The following EEIG1 variants were observed in gnomAD, a reference collection of about 807,000 sequenced individuals.
The protein encoded by EEIG1 is early estrogen-induced gene 1 protein.
chr9:127,964,172 T>C, the EEIG1 span, among the ~76,000 whole-genome samples: 1 of 152,164 alleles, frequency 6.6e-6, no homozygotes. Context: ...GAGCCTCAAC[T>C]TCCTCATCTG....
chr9:127,976,214 G>T, the EEIG1 span, among the ~76,000 whole-genome samples: 1 of 152,180 alleles, frequency 6.6e-6, no homozygotes, highest in African/African-American at 2.4e-5. The surrounding 1 kb of genome is among the most constrained non-coding windows in gnomAD (Gnocchi z 4.1). Flanking sequence ...CTTAGAGCTG[G>T]ACCTGCCCAA....
chr9:127,969,238 T>A, the EEIG1 span, among the ~76,000 whole-genome samples: 1 of 152,206 alleles, frequency 6.6e-6, no homozygotes, highest in South Asian at 2.1e-4. Context: ...GAGACGAATG[T>A]GCCTAACAGT....
the EEIG1 span, among the ~76,000 whole-genome samples, chr9:127,963,243 C>A: frequency 2.0e-5 from 3 of 152,232 alleles, no homozygotes; most frequent in Admixed American, 1.3e-4. Context: ...CAAAAGGGAT[C>A]TGAACCCTCA....
At chr9:127,979,989 T>A in the EEIG1 span, 1 of 1,612,190 alleles carries the variant, frequency 6.2e-7, no homozygotes, top group African/African-American at 1.3e-5. Flanking sequence ...CCCCAGCTCC[T>A]ACCTTGACGA....
chr9:127,949,895 G>A, the EEIG1 span, among the ~76,000 whole-genome samples: 24 of 152,320 alleles, frequency 1.6e-4, no homozygotes, highest in South Asian at 4.4e-3. Flanking sequence ...ACCTGCCCCC[G>A]GGGCCCTCAG....
chr9:127,944,691 G>T, the EEIG1 span: 18 of 1,612,850 alleles, frequency 1.1e-5, no homozygotes, highest in Admixed American at 1.7e-5. Context: ...CTGTCTGTGG[G>T]GACACAGGAG....
At chr9:127,973,723 G>C in the EEIG1 span, among the ~76,000 whole-genome samples, 1 of 152,314 alleles carries the variant, frequency 6.6e-6, no homozygotes, top group South Asian at 2.1e-4. This position sits in a 1 kb window ranked among gnomAD's most constrained non-coding sequence, Gnocchi z 4.2. Context: ...GCTGGCCTCT[G>C]AGGCCACCCA....
At chr9:127,943,021 GA>G in the EEIG1 span, 1 of 667,310 alleles carries the variant, frequency 1.5e-6, no homozygotes, top group South Asian at 1.7e-5. Context: ...TCCCAGCATG[GA>G]TGGGAGGGGC....
the EEIG1 span, among the ~76,000 whole-genome samples, chr9:127,964,649 C>G: frequency 6.6e-6 from 1 of 152,224 alleles, no homozygotes; most frequent in Admixed American, 6.5e-5. Flanking sequence ...CAGCCTGACC[C>G]ACGTCCACTC....
the EEIG1 span, among the ~76,000 whole-genome samples, chr9:127,976,016 C>A: frequency 6.6e-6 from 1 of 152,224 alleles, no homozygotes; most frequent in African/African-American, 2.4e-5. This position sits in a 1 kb window ranked among gnomAD's most constrained non-coding sequence, Gnocchi z 4.1. Flanking sequence ...TTCAGCCCCA[C>A]CCCCTGAAAG....
At chr9:127,947,498 C>T in the EEIG1 span, among the ~76,000 whole-genome samples, 1 of 152,196 alleles carries the variant, frequency 6.6e-6, no homozygotes, top group Non-Finnish European at 1.5e-5. Context: ...CAGGTGCCCA[C>T]ATGTGGACAG....
chr9:127,954,601 A>G, the EEIG1 span, among the ~76,000 whole-genome samples: 2 of 152,226 alleles, frequency 1.3e-5, no homozygotes, highest in African/African-American at 4.8e-5. Flanking sequence ...AAAGGTGGTC[A>G]TGCCAAACCT....
At chr9:127,948,333 T>A in the EEIG1 span, 1 of 1,613,376 alleles carries the variant, frequency 6.2e-7, no homozygotes, top group Non-Finnish European at 8.5e-7. Context: ...GGGACTGGGC[T>A]CCCATCCGCT....
chr9:127,975,794 G>A, the EEIG1 span, among the ~76,000 whole-genome samples: 1 of 152,092 alleles, frequency 6.6e-6, no homozygotes, highest in Non-Finnish European at 1.5e-5. Context: ...GAGATCTCTT[G>A]GGTGTTTGAG....
At chr9:127,943,339 A>G in the EEIG1 span, 1 of 1,165,852 alleles carries the variant, frequency 8.6e-7, no homozygotes, top group Non-Finnish European at 1.3e-6. Context: ...AGGTACTGTT[A>G]ACCAGCCCTG....
the EEIG1 span, among the ~76,000 whole-genome samples, chr9:127,955,167 C>T: frequency 2.0e-5 from 3 of 152,176 alleles, no homozygotes; most frequent in Non-Finnish European, 4.4e-5. Flanking sequence ...GGAAGTGACC[C>T]GAGGAGAGTG....
chr9:127,967,953 A>T, the EEIG1 span, among the ~76,000 whole-genome samples: 2 of 147,476 alleles, frequency 1.4e-5, no homozygotes, highest in African/African-American at 5.0e-5. Context: ...CCCCAGGACC[A>T]TAGATCAGGA....
the EEIG1 span, among the ~76,000 whole-genome samples, chr9:127,966,348 C>A: frequency 6.6e-6 from 1 of 151,880 alleles, no homozygotes; most frequent in African/African-American, 2.4e-5. Flanking sequence ...TGGTGCGTAC[C>A]TGTAATCTCA....
At chr9:127,953,953 C>T in the EEIG1 span, 9 of 1,612,378 alleles carry the variant, frequency 5.6e-6, 1 homozygote, top group African/African-American at 1.3e-5. Flanking sequence ...CAGGTGAGCA[C>T]AGGCACACAC....
Sources: gnomAD v4.1 joint callset for allele counts (sites outside exome capture counted in the v4.1 genomes callset) on GRCh38, gnomAD v4.1.1 for gene constraint, Gnocchi (gnomAD v3.1) non-coding constraint, MANE v1.5 for transcripts, NCBI Gene and HGNC (gene_info 2026-07-23, HGNC 2026-07-21) for gene names.